Variants in CACNA1E observed in about 807,000 individuals in gnomAD.
The protein encoded by CACNA1E is calcium voltage-gated channel subunit alpha1 E.
Under a neutral mutation model 259.2 loss-of-function variants are expected in CACNA1E, and 40 were observed. That is an observed-to-expected ratio of 0.15 (90% CI 0.12 to 0.20). CACNA1E has a LOEUF of 0.20. CACNA1E is among the 10% of genes least tolerant of loss of function. CACNA1E has a pLI of 1.00. For missense variants in CACNA1E, 1,874 were observed against 3,040.1 expected, an observed-to-expected ratio of 0.62 and a Z score of 9.02; for synonymous variants, 1,104 against 1,138.5, an observed-to-expected ratio of 0.97 and a Z score of 0.61.
At chr1:181,789,065 T>C (rs1389146365) in intron 43 of CACNA1E, among the ~76,000 whole-genome samples, 1 of 152,210 alleles carries the variant, frequency 6.6e-6, no homozygotes, top group Non-Finnish European at 1.5e-5. Context: ...CTTGCTTTGT[T>C]GCCCAGGTTG....
chr1:181,526,906 T>C (rs1209870301), intron 3 of CACNA1E, among the ~76,000 whole-genome samples: 1 of 152,238 alleles, frequency 6.6e-6, no homozygotes, highest in East Asian at 1.9e-4. Context: ...CAATAGTACC[T>C]GCTACTATTT....
intron 7 of CACNA1E, among the ~76,000 whole-genome samples, chr1:181,662,377 C>T (rs1228348568): frequency 6.6e-6 from 1 of 152,134 alleles, no homozygotes; most frequent in Non-Finnish European, 1.5e-5. Flanking sequence ...AAGCTAGCTG[C>T]CCTGGCTCCC....
chr1:181,464,160 T>C (rs1201396402), intron 2 of CACNA1E, among the ~76,000 whole-genome samples: 2 of 152,154 alleles, frequency 1.3e-5, no homozygotes, highest in African/African-American at 4.8e-5. Context: ...TTTATAACTT[T>C]GTAGTTTTGG....
chr1:181,687,286 A>G (rs1175151163), intron 7 of CACNA1E, among the ~76,000 whole-genome samples: 2 of 152,100 alleles, frequency 1.3e-5, no homozygotes, highest in Admixed American at 1.3e-4. Context: ...AATGTTTTTT[A>G]ATGAACAATA....
At chr1:181,426,968 CTTCCCATCTCAACCCT>C (rs1306586215) in intron 2 of CACNA1E, among the ~76,000 whole-genome samples, 4 of 151,164 alleles carry the variant, frequency 2.6e-5, no homozygotes, top group Admixed American at 6.6e-5. Flanking sequence ...AACTCAACCC[CTTCCCATCTCAACCCT>C]TTCCCATCTC....
At chr1:181,637,101 CT>C (rs1657285255) in intron 6 of CACNA1E, among the ~76,000 whole-genome samples, 1 of 152,236 alleles carries the variant, frequency 6.6e-6, no homozygotes, top group Non-Finnish European at 1.5e-5. Flanking sequence ...TGAGTCAGGT[CT>C]CTCTTTTCTG....
At chr1:181,434,394 A>ATTTTTTTTTT (rs34732298) in intron 2 of CACNA1E, among the ~76,000 whole-genome samples, 1 of 149,024 alleles carries the variant, frequency 6.7e-6, no homozygotes, top group African/African-American at 2.5e-5. Context: ...CTACTGGCCA[A>ATTTTTTTTTT]TTTTTTTTTT....
intron 6 of CACNA1E, among the ~76,000 whole-genome samples, chr1:181,619,894 G>C (rs908322726): frequency 6.6e-6 from 1 of 152,098 alleles, no homozygotes; most frequent in African/African-American, 2.4e-5. Flanking sequence ...TATTGGGGAG[G>C]GGGGAAGGAT....
intron 3 of CACNA1E, among the ~76,000 whole-genome samples, chr1:181,571,815 T>A (rs1650442420): frequency 6.6e-6 from 1 of 152,158 alleles, no homozygotes; most frequent in South Asian, 2.1e-4. Context: ...TGGTGTAAGA[T>A]CTCTGGCTTG....
intron 25 of CACNA1E, among the ~76,000 whole-genome samples, chr1:181,745,759 A>G (rs1572776253): frequency 6.7e-6 from 1 of 149,354 alleles, no homozygotes; most frequent in East Asian, 1.9e-4. Flanking sequence ...CCTTCTTAGA[A>G]AGATCAGCAG....
intron 3 of CACNA1E, among the ~76,000 whole-genome samples, chr1:181,530,682 G>A (rs757515298): frequency 3.3e-5 from 5 of 152,212 alleles, no homozygotes; most frequent in Non-Finnish European, 7.3e-5. Context: ...TAACTTTATT[G>A]TTGCTGGTAC....
At chr1:181,409,422 G>A (rs929969577) in intron 1 of CACNA1E, among the ~76,000 whole-genome samples, 1 of 152,192 alleles carries the variant, frequency 6.6e-6, no homozygotes, top group African/African-American at 2.4e-5. Context: ...GGGCCAGGAA[G>A]TACATCCTAC....
At chr1:181,744,141 A>G (rs1310534935) in intron 25 of CACNA1E, among the ~76,000 whole-genome samples, 1 of 152,236 alleles carries the variant, frequency 6.6e-6, no homozygotes, top group African/African-American at 2.4e-5. Context: ...GAGTTCCCAC[A>G]TTAGCTTTTA....
At chr1:181,495,295 G>C (rs1453741631) in intron 1 of CACNA1E, among the ~76,000 whole-genome samples, 1 of 152,146 alleles carries the variant, frequency 6.6e-6, no homozygotes, top group Admixed American at 6.5e-5. Context: ...TGTTAAAAAT[G>C]ACCTCTGGAT....
rs1317129017 is a variant in CACNA1E, at chr1:181,806,972, G to C, written c.*8138G>C. 1 of 152,018 alleles carries C rather than the reference G, an allele frequency of 6.6e-6. No individual in the cohort carries two copies. Among genetic ancestry groups the C allele is most frequent in the African/African-American group, 2.4e-5 (1 of 41,388 alleles). The allele number at this position is 152,018 out of a possible 1,614,324, so 9.4% of individuals were successfully genotyped here. On this transcript the variant is annotated 3_prime_UTR_variant, in exon 48 of 48. Transcript: ENST00000367573. ...GCTTTCAAAGTCCCAAGGACATCCT[G>C]GCTCTGAAAGGTTTTCTTTTGTTAA...
chr1:181,666,329 A>G (rs919106968), intron 7 of CACNA1E, among the ~76,000 whole-genome samples: 3 of 152,150 alleles, frequency 2.0e-5, no homozygotes, highest in African/African-American at 7.2e-5. Context: ...GCAGTATTCT[A>G]GATGTTAGGA....
chr1:181,393,809 T>C (rs1488387199), intron 1 of CACNA1E, among the ~76,000 whole-genome samples: 1 of 152,202 alleles, frequency 6.6e-6, no homozygotes, highest in East Asian at 1.9e-4. Context: ...TCATCTGGAC[T>C]CAAGACCTTA....
At chr1:181,586,480 A>T (rs985411467) in intron 6 of CACNA1E, among the ~76,000 whole-genome samples, 3 of 152,128 alleles carry the variant, frequency 2.0e-5, no homozygotes, top group Non-Finnish European at 2.9e-5. Context: ...TGAAGAGGAA[A>T]ACGGTTATCA....
At chr1:181,387,386 G>A (rs960771222) in intron 1 of CACNA1E, among the ~76,000 whole-genome samples, 6 of 152,132 alleles carry the variant, frequency 3.9e-5, no homozygotes, top group Non-Finnish European at 7.3e-5. Flanking sequence ...TAAAAAAAGG[G>A]CCTATTTCCA....
Sources: gnomAD v4.1 joint callset for allele counts (sites outside exome capture counted in the v4.1 genomes callset) on GRCh38, gnomAD v4.1.1 for gene constraint, MANE v1.5 for transcripts, NCBI Gene and HGNC (gene_info 2026-07-23, HGNC 2026-07-21) for gene names.